The following SGCZ variants were observed in gnomAD, a reference collection of about 807,000 sequenced individuals.
SGCZ encodes the protein zeta-sarcoglycan.
Under a neutral mutation model 41.3 loss-of-function variants are expected in SGCZ, and 40 were observed. That is an observed-to-expected ratio of 0.97 (90% CI 0.75 to 1.26). SGCZ has a LOEUF of 1.26. Among genes scored for constraint, SGCZ ranks in the 50% most tolerant of loss-of-function variants. The probability of loss-of-function intolerance (pLI) is 0.00; values close to 1 mark genes in which losing one functional copy is unlikely to be tolerated. For missense variants in SGCZ, 552 were observed against 369.8 expected (o/e 1.49, Z -4.04); for synonymous variants, 206 against 137.5 (o/e 1.50, Z -3.49).
In SGCZ at chr8:14,127,564, G is replaced by T. The variant is rs189668707; in HGVS notation, c.548-19329C>A. On this transcript the variant is annotated intron_variant, in intron 5 of 7. Coordinates refer to ENST00000382080, the MANE Select transcript of SGCZ (RefSeq NM_139167.4). ...TCCGCCTCCCGGGTTCATGCCATTA[G>T]CCTGCCTCAGCCTCCCGAGTAGCTG... is the stretch of plus-strand genomic sequence containing the variant. Among the ~76,000 whole-genome samples the T allele has an allele frequency of 4.9e-3, 745 of 151,976 alleles. 6 individuals carry two copies. The highest frequency in any genetic ancestry group is 0.017 in the African/African-American group (707 of 41,456).
chr8:15,084,508 T>C (rs1443080326), intron 1 of SGCZ, among the ~76,000 whole-genome samples: 4 of 152,160 alleles, frequency 2.6e-5, no homozygotes, highest in African/African-American at 9.7e-5. Flanking sequence ...CCCAGCACTT[T>C]GGGAGGCCGA....
intron 1 of SGCZ, among the ~76,000 whole-genome samples, chr8:15,024,189 C>T (rs1489665588): frequency 3.3e-5 from 5 of 152,022 alleles, no homozygotes; most frequent in African/African-American, 9.7e-5. Flanking sequence ...TAACCAGGCA[C>T]CATAAACAAA....
At chr8:14,214,870 A>C (rs1805940878) in intron 4 of SGCZ, among the ~76,000 whole-genome samples, 1 of 152,190 alleles carries the variant, frequency 6.6e-6, no homozygotes, top group Admixed American at 6.5e-5. Flanking sequence ...TATATGAAGT[A>C]AAAATGATAG....
intron 4 of SGCZ, among the ~76,000 whole-genome samples, chr8:14,233,996 C>G (rs1203857440): frequency 6.6e-6 from 1 of 151,840 alleles, no homozygotes; most frequent in African/African-American, 2.4e-5. Context: ...AGGAAGAAAT[C>G]TTGAGTTCAT....
At chr8:15,165,026 T>C (rs1157376016) in intron 1 of SGCZ, among the ~76,000 whole-genome samples, 1 of 152,198 alleles carries the variant, frequency 6.6e-6, no homozygotes, top group Non-Finnish European at 1.5e-5. Context: ...GCGCAGTGGC[T>C]CATGCCTGTA....
chr8:15,088,979 A>G (rs933090141), intron 1 of SGCZ, among the ~76,000 whole-genome samples: 2 of 152,200 alleles, frequency 1.3e-5, no homozygotes, highest in African/African-American at 2.4e-5. Flanking sequence ...CCTAATGTTC[A>G]TAACAGTAAA....
intron 1 of SGCZ, among the ~76,000 whole-genome samples, chr8:15,042,448 C>T (rs1804139247): frequency 6.6e-6 from 1 of 152,188 alleles, no homozygotes; most frequent in African/African-American, 2.4e-5. Context: ...GGGCACTAGA[C>T]CCCACTGTGC....
chr8:14,402,643 T>C (rs1224560421), intron 2 of SGCZ, among the ~76,000 whole-genome samples: 1 of 142,786 alleles, frequency 7.0e-6, no homozygotes, highest in Non-Finnish European at 1.5e-5. Flanking sequence ...GTTCCATTGA[T>C]CTATATCTCT....
At chr8:14,366,521 C>T (rs1189358619) in intron 2 of SGCZ, among the ~76,000 whole-genome samples, 2 of 152,080 alleles carry the variant, frequency 1.3e-5, no homozygotes, top group Non-Finnish European at 2.9e-5. Context: ...CAAAGTATAA[C>T]CATATCATTC....
At chr8:14,788,052 G>C (rs6990399) in intron 1 of SGCZ, among the ~76,000 whole-genome samples, 2 of 151,830 alleles carry the variant, frequency 1.3e-5, no homozygotes, top group East Asian at 3.9e-4. Context: ...CTAGATTCTG[G>C]AAAAAGATGC....
intron 1 of SGCZ, among the ~76,000 whole-genome samples, chr8:15,029,658 A>G (rs1389838156): frequency 6.6e-6 from 1 of 152,100 alleles, no homozygotes; most frequent in East Asian, 1.9e-4. Flanking sequence ...TTACAGACCA[A>G]TCCAGAAATC....
At chr8:15,121,178 C>G (rs547807471) in intron 1 of SGCZ, among the ~76,000 whole-genome samples, 2 of 152,304 alleles carry the variant, frequency 1.3e-5, no homozygotes, top group Admixed American at 6.5e-5. Flanking sequence ...GGTGAGCCAT[C>G]TTTTCAAAGG....
chr8:14,609,042 G>A (rs1805844933), intron 1 of SGCZ, among the ~76,000 whole-genome samples: 1 of 151,894 alleles, frequency 6.6e-6, no homozygotes, highest in Admixed American at 6.6e-5. Flanking sequence ...CATGTGTTTT[G>A]CAGAAAAAAG....
chr8:14,154,142 G>A (rs1013605452), intron 5 of SGCZ, among the ~76,000 whole-genome samples: 5 of 151,996 alleles, frequency 3.3e-5, no homozygotes, highest in Admixed American at 1.3e-4. Context: ...AGGCCGAGGC[G>A]GGTGGATCAT....
intron 2 of SGCZ, among the ~76,000 whole-genome samples, chr8:14,349,795 T>C (rs973164363): frequency 6.6e-6 from 1 of 152,112 alleles, no homozygotes; most frequent in Non-Finnish European, 1.5e-5. Context: ...TGTCTCAAAG[T>C]GTATCTTCTG....
intron 1 of SGCZ, among the ~76,000 whole-genome samples, chr8:14,677,748 G>A (rs1808320906): frequency 6.6e-6 from 1 of 152,052 alleles, no homozygotes; most frequent in Non-Finnish European, 1.5e-5. Flanking sequence ...TCCAGTATGG[G>A]CAACAGAATG....
At chr8:14,828,810 C>T (rs1432093468) in intron 1 of SGCZ, among the ~76,000 whole-genome samples, 6 of 152,204 alleles carry the variant, frequency 3.9e-5, no homozygotes, top group African/African-American at 1.2e-4. Flanking sequence ...TGCCCATGCC[C>T]GAGAACATTT....
intron 1 of SGCZ, among the ~76,000 whole-genome samples, chr8:15,128,294 C>T (rs1807777946): frequency 1.3e-5 from 2 of 152,188 alleles, no homozygotes; most frequent in Admixed American, 1.3e-4. Flanking sequence ...GCTGGGTTCC[C>T]AAAACCAAGA....
intron 1 of SGCZ, among the ~76,000 whole-genome samples, chr8:15,070,922 A>G (rs932155280): frequency 6.6e-6 from 1 of 152,166 alleles, no homozygotes; most frequent in African/African-American, 2.4e-5. Context: ...AATTTATTAG[A>G]GTGCTCAGTT....
Sources: allele counts gnomAD v4.1 joint callset (sites outside exome capture counted in the v4.1 genomes callset), GRCh38; gene constraint gnomAD v4.1.1; transcripts MANE v1.5; gene names NCBI Gene and HGNC (gene_info 2026-07-23, HGNC 2026-07-21).